RNF38: variants seen among roughly 807,000 people sequenced by gnomAD.
RNF38 encodes E3 ubiquitin-protein ligase RNF38.
A neutral mutation model predicts 67.2 loss-of-function variants in RNF38; 15 were observed. The observed-to-expected ratio is 0.22, with a 90% CI of 0.15 to 0.34. The LOEUF (loss-of-function observed/expected upper bound fraction) is 0.34. Among genes scored for constraint, RNF38 ranks in the 10% least tolerant of loss-of-function variants. The probability of loss-of-function intolerance (pLI) is 1.00; values close to 1 mark genes in which losing one functional copy is unlikely to be tolerated. For synonymous variants in RNF38, 220 were observed against 218.8 expected (o/e 1.01, Z -0.05); for missense variants, 524 against 639.9 (o/e 0.82, Z 1.95).
intron 1 of RNF38, among the ~76,000 whole-genome samples, chr9:36,455,498 T>A (rs1400739164): frequency 6.6e-6 from 1 of 152,100 alleles, no homozygotes; most frequent in Non-Finnish European, 1.5e-5. Flanking sequence ...AGTGCACTCA[T>A]TTAGCTGGAC....
At position 36,385,808 on chromosome 9, in the gene RNF38, T is replaced by C. The variant is rs539431025; in HGVS notation, c.162+4659A>G. Among the ~76,000 whole-genome samples, 55 of 152,306 alleles carry C rather than the reference T, an allele frequency of 3.6e-4. 2 individuals are homozygous for C. The highest frequency in any genetic ancestry group is 6.8e-3 in the Middle Eastern group (2 of 294). ...AACAGAAAGGGCCCAGTTCTTCTCG[T>C]TGAATTCTTGGCACGTCGCACAACC... On this transcript the variant is annotated intron_variant, in intron 2 of 11. Transcript: ENST00000259605.
chr9:36,390,537 A>G lies in RNF38; in HGVS notation c.92T>C (p.Leu31Pro). 1 of 1,614,064 alleles carries G rather than the reference A, an allele frequency of 6.2e-7. No individual in the cohort carries two copies. The highest frequency in any genetic ancestry group is 8.5e-7 in the Non-Finnish European group (1 of 1,179,936). The change falls in exon 2 of 12, where the codon CTG becomes CCG. Residue 31 changes from leucine (L) to proline (P), a missense_variant. Leu to Pro is a moderately conservative substitution (Grantham distance 98). This residue lies in a region of RNF38 where 461 missense variants were observed against 517.4 expected (regional missense o/e 0.89). Transcript: ENST00000259605. Reference sequence around the variant, plus strand: ...CTGATCACTTGGGAGGAGAGGGAACAGGCTCTGAAGTCTCACCCTTTCACA... The same window carrying G: ...CTGATCACTTGGGAGGAGAGGGAACGGGCTCTGAAGTCTCACCCTTTCACA... ...VICERVRLQS[L>P]FPLLPSDQNT...
chr9:36,408,242 G>A (rs1330286675), intron 2 of RNF38, among the ~76,000 whole-genome samples: 1 of 151,300 alleles, frequency 6.6e-6, no homozygotes, highest in Admixed American at 6.6e-5. Flanking sequence ...GGGACTACAG[G>A]CATACACCAC....
At chr9:36,422,371 T>A (rs1326075460) in intron 2 of RNF38, among the ~76,000 whole-genome samples, 1 of 151,408 alleles carries the variant, frequency 6.6e-6, no homozygotes, top group African/African-American at 2.4e-5. Context: ...GAGCCAAGAC[T>A]GTACCACTGC....
chr9:36,354,032 CAT>C (rs1332443806), intron 6 of RNF38, among the ~76,000 whole-genome samples: 1 of 152,140 alleles, frequency 6.6e-6, no homozygotes, highest in East Asian at 1.9e-4. Context: ...ATATAACTGA[CAT>C]ATGATAAAAG....
chr9:36,432,675 C>A (rs1041704437), intron 1 of RNF38, among the ~76,000 whole-genome samples: 1 of 152,030 alleles, frequency 6.6e-6, no homozygotes, highest in Non-Finnish European at 1.5e-5. Flanking sequence ...CACCTGCAGT[C>A]CCACCTACTC....
intron 1 of RNF38, among the ~76,000 whole-genome samples, chr9:36,439,918 TC>T (rs1299806442): frequency 6.6e-6 from 1 of 152,220 alleles, no homozygotes; most frequent in African/African-American, 2.4e-5. Flanking sequence ...TCCATTGATA[TC>T]TATATACTAT....
At chr9:36,472,280 T>C (rs1372843202) in intron 1 of RNF38, among the ~76,000 whole-genome samples, 1 of 152,208 alleles carries the variant, frequency 6.6e-6, no homozygotes. Flanking sequence ...ATCCTGCCTG[T>C]ATAGAATCAA....
chr9:36,448,371 C>T (rs1379455182), intron 1 of RNF38, among the ~76,000 whole-genome samples: 1 of 152,170 alleles, frequency 6.6e-6, no homozygotes, highest in Non-Finnish European at 1.5e-5. Context: ...TATTGAAAAA[C>T]GAACCTCACA....
Position 36,479,248 on chromosome 9 carries a change from C to T in RNF38, n.241+8060G>A, listed in dbSNP as rs191441230. ...TAGGGAATTATAATTACAGCAATCCCGCCTTTAGAACATCCTCAGAGCACA... is the reference window on the plus strand; with the variant it reads ...TAGGGAATTATAATTACAGCAATCCTGCCTTTAGAACATCCTCAGAGCACA... On this transcript the variant is annotated intron_variant and non_coding_transcript_variant, in intron 1 of 3. Transcript: ENST00000488058. 3.2e-4 allele frequency among the ~76,000 whole-genome samples: 49 copies of T among 152,268 alleles called. No individual in the cohort carries two copies. The East Asian group carries it at 8.1e-3, about 25-fold the overall frequency.
chr9:36,400,034 A>T, intron 1 of RNF38, 63 bp downstream of exon 1: 1 of 1,460,462 alleles, frequency 6.8e-7, no homozygotes, highest in Non-Finnish European at 9.5e-7. Flanking sequence ...TAGAATTAGC[A>T]TACCCAACTT....
chr9:36,462,522 C>G (rs935050664), intron 1 of RNF38, among the ~76,000 whole-genome samples: 1 of 152,130 alleles, frequency 6.6e-6, no homozygotes, highest in Non-Finnish European at 1.5e-5. Flanking sequence ...TCTAGAAGGT[C>G]ACCATCTTAC....
intron 1 of RNF38, among the ~76,000 whole-genome samples, chr9:36,464,244 T>C (rs1587187131): frequency 1.3e-5 from 2 of 151,418 alleles, no homozygotes; most frequent in African/African-American, 2.4e-5. Flanking sequence ...CTGCATTATG[T>C]AGATGAAATG....
chr9:36,473,306 A>G (rs1840040643), intron 1 of RNF38, among the ~76,000 whole-genome samples: 1 of 151,986 alleles, frequency 6.6e-6, no homozygotes, highest in Admixed American at 6.6e-5. Context: ...AAAAATAAAT[A>G]GCTGGGCGTG....
chr9:36,476,723 T>A (rs1840129760), intron 1 of RNF38, among the ~76,000 whole-genome samples: 1 of 151,668 alleles, frequency 6.6e-6, no homozygotes, highest in African/African-American at 2.4e-5. Context: ...AAACCGGATT[T>A]CACCATGTTG....
chr9:36,405,256 G>A (rs920107400), upstream of RNF38, among the ~76,000 whole-genome samples: 1 of 135,762 alleles, frequency 7.4e-6, no homozygotes, highest in Non-Finnish European at 1.6e-5. Context: ...AACAGAGAGA[G>A]ACTCTGTCTC....
chr9:36,348,477 AAAACAAAC>A (rs796273023), intron 9 of RNF38, among the ~76,000 whole-genome samples: 1 of 152,166 alleles, frequency 6.6e-6, no homozygotes, highest in Non-Finnish European at 1.5e-5. Context: ...TGTCTCAAAC[AAAACAAAC>A]AAACAAACAA....
chr9:36,475,746 G>A (rs573066801), intron 1 of RNF38, among the ~76,000 whole-genome samples: 3 of 150,574 alleles, frequency 2.0e-5, no homozygotes, highest in Non-Finnish European at 3.0e-5. Context: ...AGCCGGGTGC[G>A]GTGGCTCACG....
intron 1 of RNF38, among the ~76,000 whole-genome samples, chr9:36,485,966 C>T (rs1840400209): frequency 6.6e-6 from 1 of 152,100 alleles, no homozygotes; most frequent in Non-Finnish European, 1.5e-5. Context: ...GACTGCAGAC[C>T]AATTCACACT....
Sources: allele counts gnomAD v4.1 joint callset (sites outside exome capture counted in the v4.1 genomes callset), GRCh38; gene constraint gnomAD v4.1.1; regional missense constraint gnomAD v4.1.1; transcripts MANE v1.5; gene names NCBI Gene and HGNC (gene_info 2026-07-23, HGNC 2026-07-21).